CPEB3: variants seen among roughly 807,000 people sequenced by gnomAD.
CPEB3 encodes cytoplasmic polyadenylation element binding protein 3, also known as cytoplasmic polyadenylation element-binding protein 3.
A neutral mutation model predicts 67.2 loss-of-function variants in CPEB3; 20 were observed. The ratio of observed to expected loss-of-function variants is 0.30; its 90% CI spans 0.21 to 0.43. The LOEUF (loss-of-function observed/expected upper bound fraction) is 0.43, where lower values mean the gene tolerates loss of function less well. Among genes scored for constraint, CPEB3 ranks in the 20% least tolerant of loss-of-function variants. The pLI is 1.00. For synonymous variants in CPEB3, 376 were observed against 393.1 expected (o/e 0.96, Z 0.51); for missense variants, 746 against 968.6 (o/e 0.77, Z 3.05).
At chr10:92,265,996 GT>G (rs1443519119) in intron 1 of CPEB3, among the ~76,000 whole-genome samples, 4 of 151,894 alleles carry the variant, frequency 2.6e-5, no homozygotes, top group Admixed American at 2.6e-4. Context: ...TATGATAAAG[GT>G]GGGACTGTTA....
intron 2 of CPEB3, among the ~76,000 whole-genome samples, chr10:92,207,268 C>T (rs1256802892): frequency 6.6e-6 from 1 of 152,164 alleles, no homozygotes; most frequent in East Asian, 1.9e-4. Context: ...CAGGCATGCA[C>T]CACCATACCC....
chr10:92,269,616 G>A (rs1242800384), intron 1 of CPEB3, among the ~76,000 whole-genome samples: 1 of 152,110 alleles, frequency 6.6e-6, no homozygotes, highest in African/African-American at 2.4e-5. Context: ...GGAGTGCAAT[G>A]GCGCAATCTC....
intron 2 of CPEB3, among the ~76,000 whole-genome samples, chr10:92,212,973 AT>A (rs1347804089): frequency 2.6e-5 from 4 of 152,170 alleles, no homozygotes; most frequent in Non-Finnish European, 2.9e-5. Flanking sequence ...CCACTAGAAA[AT>A]TTAAAATGAT....
intron 1 of CPEB3, among the ~76,000 whole-genome samples, chr10:92,246,062 G>A (rs1264458828): frequency 1.1e-4 from 16 of 146,844 alleles, no homozygotes; most frequent in African/African-American, 3.8e-4. Flanking sequence ...TAGGCCAGGC[G>A]CGGTGGCTCA....
chr10:92,258,843 G>C (rs1055919307), intron 1 of CPEB3, among the ~76,000 whole-genome samples: 2 of 151,020 alleles, frequency 1.3e-5, no homozygotes, highest in African/African-American at 4.9e-5. Context: ...ATTTTTAGTA[G>C]AGATGGGGTT....
intron 6 of CPEB3, among the ~76,000 whole-genome samples, chr10:92,123,836 G>T (rs930242426): frequency 6.6e-6 from 1 of 152,142 alleles, no homozygotes; most frequent in Admixed American, 6.5e-5. Context: ...AGACTGAAGT[G>T]GGTCCATTCT....
At chr10:92,057,337 G>C (rs1052631514) in intron 9 of CPEB3, among the ~76,000 whole-genome samples, 1 of 152,190 alleles carries the variant, frequency 6.6e-6, no homozygotes, top group African/African-American at 2.4e-5. Context: ...TTGGGGTGGC[G>C]GTGGCTGAAA....
chr10:92,148,570 C>T (rs1846803761), intron 4 of CPEB3, among the ~76,000 whole-genome samples: 1 of 152,150 alleles, frequency 6.6e-6, no homozygotes, highest in South Asian at 2.1e-4. Flanking sequence ...TTTCCCTAAC[C>T]CTATTAAATT....
intron 2 of CPEB3, among the ~76,000 whole-genome samples, chr10:92,193,439 C>G (rs987520731): frequency 1.3e-5 from 2 of 151,928 alleles, no homozygotes; most frequent in South Asian, 2.1e-4. Flanking sequence ...ATGTTCCCCC[C>G]ACCCCACCCC....
At chr10:92,143,214 T>C in intron 5 of CPEB3, 96 bp from the exon 6 acceptor site, 1 of 905,166 alleles carries the variant, frequency 1.1e-6, no homozygotes. Flanking sequence ...TTTAAAAAAA[T>C]GTTTTGAGGG....
At chr10:92,151,563 T>A (rs768076838) in intron 4 of CPEB3, among the ~76,000 whole-genome samples, 1 of 152,222 alleles carries the variant, frequency 6.6e-6, no homozygotes, top group Non-Finnish European at 1.5e-5. Flanking sequence ...GAATCCCTTT[T>A]ATTACACAGA....
chr10:92,221,519 T>C (rs1398039065), intron 2 of CPEB3, among the ~76,000 whole-genome samples: 1 of 152,144 alleles, frequency 6.6e-6, no homozygotes, highest in Admixed American at 6.6e-5. Context: ...TCAAATTCAT[T>C]TATTTATTCA....
At chr10:92,270,719 T>C (rs1029307793) in intron 1 of CPEB3, among the ~76,000 whole-genome samples, 43 of 141,400 alleles carry the variant, frequency 3.0e-4, no homozygotes, top group Middle Eastern at 3.5e-3. Flanking sequence ...CGCACCACCA[T>C]GCCCAGCTAA....
intron 6 of CPEB3, among the ~76,000 whole-genome samples, chr10:92,142,290 A>AT (rs1170055934): frequency 1.3e-5 from 2 of 152,166 alleles, no homozygotes; most frequent in African/African-American, 2.4e-5. Flanking sequence ...TCAAAAAGCC[A>AT]TTTTTCTGAA....
chr10:92,159,895 T>C (rs750341470), intron 4 of CPEB3, among the ~76,000 whole-genome samples: 31 of 152,098 alleles, frequency 2.0e-4, no homozygotes, highest in Non-Finnish European at 4.0e-4. Context: ...GCTCAAGCTC[T>C]ATTTTTTTCC....
intron 2 of CPEB3, among the ~76,000 whole-genome samples, chr10:92,224,873 C>T (rs1850886528): frequency 1.4e-5 from 2 of 146,298 alleles, no homozygotes; most frequent in Non-Finnish European, 3.0e-5. Flanking sequence ...ATATATATAA[C>T]TTTATATATA....
At chr10:92,098,718 A>C (rs972010396) in intron 7 of CPEB3, among the ~76,000 whole-genome samples, 1 of 152,002 alleles carries the variant, frequency 6.6e-6, no homozygotes, top group Non-Finnish European at 1.5e-5. Context: ...TTTTCTGGCT[A>C]AACTGTATAA....
At chr10:92,189,538 A>T (rs1473984969) in intron 3 of CPEB3, among the ~76,000 whole-genome samples, 1 of 152,180 alleles carries the variant, frequency 6.6e-6, no homozygotes, top group African/African-American at 2.4e-5. Context: ...ATTAATAGGC[A>T]GCCAGAGGCA....
At chr10:92,079,444 T>C (rs145924876) in intron 9 of CPEB3, among the ~76,000 whole-genome samples, 6 of 152,266 alleles carry the variant, frequency 3.9e-5, no homozygotes, top group African/African-American at 7.2e-5. Context: ...GGAGTTCAGT[T>C]TGGTACCCAT....
Sources: allele counts gnomAD v4.1 joint callset (sites outside exome capture counted in the v4.1 genomes callset), GRCh38; gene constraint gnomAD v4.1.1; transcripts MANE v1.5; gene names NCBI Gene and HGNC (gene_info 2026-07-23, HGNC 2026-07-21).